PLG: variants seen among roughly 807,000 people sequenced by gnomAD.
PLG encodes the protein plasmin.
A neutral mutation model predicts 104.4 loss-of-function variants in PLG; 41 were observed. The ratio of observed to expected loss-of-function variants is 0.39; its 90% CI spans 0.31 to 0.51. The LOEUF is 0.51. Among genes scored for constraint, PLG ranks in the 20% least tolerant of loss-of-function variants. The probability of loss-of-function intolerance (pLI) is 0.76; values close to 1 mark genes in which losing one functional copy is unlikely to be tolerated. For missense variants in PLG, 891 were observed against 1,003.6 expected (o/e 0.89, Z 1.52); for synonymous variants, 337 against 357.1 (o/e 0.94, Z 0.63).
Position 160,752,140 on chromosome 6 carries a change from G to T in PLG, c.2151G>T (p.Lys717Asn). ...TQGTFGAGLL[K>N]EAQLPVIENK... ...GTACTTTTGGAGCTGGCCTTCTCAAGGAAGCCCAGCTCCCTGTGATTGAGA... is the reference window on the plus strand; with the variant it reads ...GTACTTTTGGAGCTGGCCTTCTCAATGAAGCCCAGCTCCCTGTGATTGAGA... The change falls in exon 18 of 19, where the codon AAG becomes AAT. Residue 717 changes from lysine (K) to asparagine (N), a missense_variant. Physicochemically the swap from Lys to Asn is moderately conservative, Grantham distance 94 (BLOSUM62 0). Transcript: ENST00000308192. This position sits in a 1 kb window ranked among gnomAD's most constrained non-coding sequence, Gnocchi z 4.7. The T allele has an allele frequency of 1.2e-6, 2 of 1,612,550 alleles. No homozygotes were observed.
chr6:160,711,560 A>G (rs1282387815), intron 4 of PLG: 2 of 1,606,680 alleles, frequency 1.2e-6, no homozygotes, highest in Non-Finnish European at 1.7e-6. Flanking sequence ...TTTTAATTCA[A>G]ACCACAATAT....
rs964842751 is a variant in PLG at position 160,752,848 on chromosome 6, T to A, written c.2272-52T>A. The A allele has an allele frequency of 2.5e-6, 4 of 1,590,510 alleles. No homozygotes were observed. The highest frequency in any genetic ancestry group is 3.3e-5 in the Admixed American group (2 of 59,952). On this transcript the variant is annotated intron_variant, in intron 18 of 18. Coordinates refer to ENST00000308192, the MANE Select transcript of PLG (RefSeq NM_000301.5). The surrounding 1 kb of genome is among the most constrained non-coding windows in gnomAD (Gnocchi z 4.7). ...ATAGTAGAAGGATGGCATCCCATAATAAAAGGCAGGCAGCCTAACCCTCAC... is the reference window on the plus strand; with the variant it reads ...ATAGTAGAAGGATGGCATCCCATAAAAAAAGGCAGGCAGCCTAACCCTCAC...
intron 8 of PLG, 33 bp downstream of exon 8, chr6:160,718,489 G>A (rs768920862): frequency 6.4e-7 from 1 of 1,558,732 alleles, no homozygotes; most frequent in Non-Finnish European, 8.9e-7. Context: ...CTGCTGCTAT[G>A]GAATGTGAAA....
chr6:160,711,675 T>G, intron 4 of PLG: 1 of 1,610,884 alleles, frequency 6.2e-7, no homozygotes, highest in Non-Finnish European at 8.5e-7. Flanking sequence ...TATGGAGGTT[T>G]CTTGAAGACC....
rs140537724 is a variant in PLG, at chr6:160,731,775, G to A, written c.1469G>A (p.Arg490Gln). ...DCMFGNGKGY[R>Q]GKRATTVTGT... ...ATGTTTGGGAATGGGAAAGGATACC[G>A]AGGCAAGAGGGCGACCACTGTTACT... is the stretch of plus-strand genomic sequence containing the variant. Residue 490 changes from arginine (R) to glutamine (Q), a missense_variant, in exon 12 of 19, where the codon CGA (arginine) becomes CAA (glutamine). Physicochemically the swap from Arg to Gln is conservative, Grantham distance 43. Transcript: ENST00000308192. The surrounding 1 kb of genome is among the most constrained non-coding windows in gnomAD (Gnocchi z 5.1). The A allele has an allele frequency of 1.9e-3, 3,082 of 1,613,926 alleles. 4 individuals carry two copies. The highest frequency in any genetic ancestry group is 2.5e-3 in the Non-Finnish European group (2,935 of 1,179,900).
chr6:160,730,882 T>G, intron 10 of PLG, 169 bp from the exon 11 acceptor site: 1 of 654,774 alleles, frequency 1.5e-6, no homozygotes, highest in Non-Finnish European at 2.7e-6. Context: ...ATGTACACAG[T>G]TGTTTAGAAG....
chr6:160,702,481 T>G, intron 1 of PLG, 128 bp downstream of exon 1: 1 of 1,247,498 alleles, frequency 8.0e-7, no homozygotes, highest in African/African-American at 1.5e-5. Context: ...TTGAAAATCT[T>G]GTATAAGATT....
At chr6:160,718,932 G>A in intron 9 of PLG, 94 bp downstream of exon 9, 1 of 1,114,844 alleles carries the variant, frequency 9.0e-7, no homozygotes, top group Non-Finnish European at 1.4e-6. Context: ...AGCTTTGTAA[G>A]TTTAATGCTA....
rs1351016165 is a variant in PLG, at chr6:160,752,511, C to A, written c.2271+251C>A. Among the ~76,000 whole-genome samples, 2 of 152,148 alleles carry A rather than the reference C, an allele frequency of 1.3e-5. No individual in the cohort carries two copies. Among genetic ancestry groups the A allele is most frequent in the Admixed American group, 6.5e-5 (1 of 15,282 alleles). Reference sequence around the variant, plus strand: ...GCCATAACTACCTCAGGCCACTCACCCTCCTGGGGTGTGCTGGTGGCCAGG... The same window carrying A: ...GCCATAACTACCTCAGGCCACTCACACTCCTGGGGTGTGCTGGTGGCCAGG... On this transcript the variant is annotated intron_variant, in intron 18 of 18. Transcript: ENST00000308192. This position sits in a 1 kb window ranked among gnomAD's most constrained non-coding sequence, Gnocchi z 4.7.
Position 160,738,657 on chromosome 6 carries a change from T to G in PLG, c.1877+45T>G. ...GACATGAAGTCTTGTCTTAAATACTTTTTCTGTCCTTCTTTTCCTCCTTTC... is the reference window on the plus strand; with the variant it reads ...GACATGAAGTCTTGTCTTAAATACTGTTTCTGTCCTTCTTTTCCTCCTTTC... On this transcript the variant is annotated intron_variant, in intron 15 of 18. Coordinates refer to ENST00000308192, the MANE Select transcript of PLG (RefSeq NM_000301.5). This position sits in a 1 kb window ranked among gnomAD's most constrained non-coding sequence, Gnocchi z 6.8. The G allele has an allele frequency of 8.2e-7, 1 of 1,224,972 alleles. No homozygotes were observed. Among genetic ancestry groups the G allele is most frequent in the Non-Finnish European group, 1.2e-6 (1 of 824,750 alleles). The allele number at this position is 1,224,972 out of a possible 1,614,324, so 75.9% of individuals were successfully genotyped here. A position where few individuals can be genotyped will look rare whatever the true frequency, so the allele number is the denominator to read the frequency against.
At chr6:160,730,176 G>A (rs954818814) in intron 10 of PLG, among the ~76,000 whole-genome samples, 4 of 152,188 alleles carry the variant, frequency 2.6e-5, no homozygotes, top group Non-Finnish European at 5.9e-5. Flanking sequence ...CGGGGTCCTC[G>A]CCTGCTTTGA....
rs997882778 is a variant in PLG at position 160,741,157 on chromosome 6, G to C, written c.2019-154G>C. ...CATAGACAACCACAGGCAAATGTGAGGGTGAAACTCTGTGTTCTACGTTGC... is the reference window on the plus strand; with the variant it reads ...CATAGACAACCACAGGCAAATGTGACGGTGAAACTCTGTGTTCTACGTTGC... On this transcript the variant is annotated intron_variant, in intron 16 of 18. Coordinates refer to ENST00000308192, the MANE Select transcript of PLG (RefSeq NM_000301.5). The surrounding 1 kb of genome is among the most constrained non-coding windows in gnomAD (Gnocchi z 4.7). 6.6e-6 allele frequency among the ~76,000 whole-genome samples: 1 copy of C among 152,198 alleles called. No homozygotes were observed. The highest frequency in any genetic ancestry group is 1.5e-5 in the Non-Finnish European group (1 of 68,044).
chr6:160,716,729 C>T lies in PLG; in HGVS notation c.753C>T (p.Asn251=). 1 of 1,612,660 alleles carries T rather than the reference C, an allele frequency of 6.2e-7. No individual in the cohort carries two copies. Among genetic ancestry groups the T allele is most frequent in the East Asian group, 2.2e-5 (1 of 44,868 alleles). The change falls in exon 7 of 19, where the codon AAC becomes AAT. Residue 251 remains asparagine, a synonymous_variant. Coordinates refer to ENST00000308192, the MANE Select transcript of PLG (RefSeq NM_000301.5). ...CTTGGTGTTTCACCACCGACCCCAACAAGCGCTGGGAACTTTGTGACATCC... is the reference window on the plus strand; with the variant it reads ...CTTGGTGTTTCACCACCGACCCCAATAAGCGCTGGGAACTTTGTGACATCC... The part of the protein sequence containing the change: ...LRPWCFTTDP[N]KRWELCDIPR...
intron 12 of PLG, among the ~76,000 whole-genome samples, chr6:160,733,023 TC>T (rs1778023851): frequency 1.3e-5 from 2 of 152,124 alleles, no homozygotes; most frequent in South Asian, 2.1e-4. Flanking sequence ...CATGGTTGGT[TC>T]CTTTGGCAAC....
At position 160,706,653 on chromosome 6, in the gene PLG, G is replaced by A. The variant is rs183882362; in HGVS notation, c.185+111G>A. The A allele has an allele frequency of 1.4e-4, 156 of 1,087,868 alleles. No homozygotes were observed. In the African/African-American group the frequency reaches 2.0e-3, roughly 14 times the overall value. 67.4% of individuals were successfully genotyped at this position (1,087,868 alleles called of 1,614,324 possible). A position where few individuals can be genotyped will look rare whatever the true frequency, so the allele number is the denominator to read the frequency against. On this transcript the variant is annotated intron_variant, in intron 2 of 18. Coordinates refer to ENST00000308192, the MANE Select transcript of PLG (RefSeq NM_000301.5). ...GGAAAGAGAAATTTATGGAGCCAGA[G>A]TTTGGAACTATATTTGCTCACAGTA...
rs954439931 is a variant in PLG at position 160,738,535 on chromosome 6, C to T, written c.1803-3C>T. 1 of 1,591,422 alleles carries T rather than the reference C, an allele frequency of 6.3e-7. No individual in the cohort carries two copies. The highest frequency in any genetic ancestry group is 1.3e-5 in the African/African-American group (1 of 74,528). On this transcript the variant is annotated splice_polypyrimidine_tract_variant and splice_region_variant and intron_variant, in intron 14 of 18. Transcript: ENST00000308192. This position sits in a 1 kb window ranked among gnomAD's most constrained non-coding sequence, Gnocchi z 6.8. ...TAAAATTTGAACTAAATCCTCTTTC[C>T]AGGTTTGGAATGCACTTCTGTGGAG...
At chr6:160,707,004 T>C (rs938657936) in intron 2 of PLG, among the ~76,000 whole-genome samples, 1 of 150,184 alleles carries the variant, frequency 6.7e-6, no homozygotes, top group African/African-American at 2.4e-5. Flanking sequence ...CAATGCATGC[T>C]CTACCCAGAT....
intron 4 of PLG, chr6:160,711,615 C>T: frequency 1.2e-6 from 2 of 1,610,276 alleles, no homozygotes; most frequent in Non-Finnish European, 1.7e-6. Flanking sequence ...CGATGTTCAA[C>T]TATTTTTGGC....
At chr6:160,713,251 C>T (rs1777675924) in intron 5 of PLG, 126 bp downstream of exon 5, 3 of 829,894 alleles carry the variant, frequency 3.6e-6, no homozygotes, top group East Asian at 5.0e-5. Context: ...CGGAAAGAAG[C>T]AAAACCCCAG....
Sources: gnomAD v4.1 joint callset for allele counts (sites outside exome capture counted in the v4.1 genomes callset) on GRCh38, gnomAD v4.1.1 for gene constraint, Gnocchi (gnomAD v3.1) non-coding constraint, MANE v1.5 for transcripts, NCBI Gene and HGNC (gene_info 2026-07-23, HGNC 2026-07-21) for gene names.